Variants in LPO observed in about 807,000 individuals in gnomAD.
LPO encodes salivary peroxidase.
In LPO, 70 loss-of-function variants were observed where a neutral mutation model predicts 68.4. The observed-to-expected ratio is 1.02, with a 90% confidence interval of 0.84 to 1.25. The LOEUF is 1.25. LPO is among the 50% of genes most tolerant of loss of function. The pLI, the probability that LPO is intolerant of heterozygous loss-of-function variation, is 0.00. For synonymous variants in LPO, 360 were observed against 357.6 expected (o/e 1.01, Z -0.08); for missense variants, 873 against 908.4 (o/e 0.96, Z 0.50).
intron 2 of LPO, chr17:58,243,730 A>G (rs1235730210): frequency 3.8e-6 from 2 of 528,950 alleles, no homozygotes; most frequent in Non-Finnish European, 6.8e-6. Context: ...GAGTGGCCAC[A>G]CTCCCTCTTC....
chr17:58,241,655 G>T (rs180869233), intron 1 of LPO, among the ~76,000 whole-genome samples: 1 of 152,070 alleles, frequency 6.6e-6, no homozygotes, highest in Admixed American at 6.6e-5. Context: ...ATCTTGGGGT[G>T]GGGGGAAGTA....
chr17:58,263,520 C>T (rs1970208727), intron 9 of LPO, among the ~76,000 whole-genome samples: 1 of 152,150 alleles, frequency 6.6e-6, no homozygotes, highest in Non-Finnish European at 1.5e-5. Flanking sequence ...GGGTGGATCA[C>T]CTGAGGTCGG....
At chr17:58,260,593 T>C (rs953085772) in intron 9 of LPO, among the ~76,000 whole-genome samples, 1 of 152,218 alleles carries the variant, frequency 6.6e-6, no homozygotes, top group African/African-American at 2.4e-5. Flanking sequence ...GTTTTTATCA[T>C]GAACAGGTGT....
chr17:58,255,193 T>A (rs1204734467), intron 9 of LPO, among the ~76,000 whole-genome samples: 1 of 152,238 alleles, frequency 6.6e-6, no homozygotes, highest in Non-Finnish European at 1.5e-5. Context: ...TTTGGAGTGT[T>A]GGAAAGTCAC....
chr17:58,249,403 G>A, intron 5 of LPO, 163 bp from the exon 6 acceptor site: 1 of 1,154,330 alleles, frequency 8.7e-7, no homozygotes, highest in Admixed American at 2.9e-5. Context: ...GGGGAGCCCC[G>A]CGCCTTCAGG....
At chr17:58,262,265 C>T (rs1251328847) in intron 9 of LPO, among the ~76,000 whole-genome samples, 3 of 152,194 alleles carry the variant, frequency 2.0e-5, no homozygotes, top group Non-Finnish European at 4.4e-5. Context: ...CCTGAAGAAT[C>T]GTTCCACCAG....
Position 58,264,967 on chromosome 17 carries a change from CA to C in LPO, c.1515del (p.Asp506MetfsTer18), listed in dbSNP as rs1970235987. 6.2e-7 allele frequency: 1 copy of C among 1,614,008 alleles called. No homozygotes were observed. Among genetic ancestry groups the C allele is most frequent in the Non-Finnish European group, 8.5e-7 (1 of 1,180,002 alleles). ...TLFFNTWRMV[K>X]DGGIDPLVRG... ...TCTTCTTCAACACTTGGAGGATGGT[CA>C]AAGATGGTATGCCCTTTCAGGGAAG... is the stretch of plus-strand genomic sequence containing the variant. On this transcript the variant is annotated frameshift_variant, in exon 10 of 13. Transcript: ENST00000262290. LOFTEE classifies it high-confidence loss of function.
Position 58,249,660 on chromosome 17 carries a change from C to T in LPO, c.538C>T (p.Pro180Ser). ...DGLSLPFGWT[P>S]GKTRNGFPLP... is the part of the protein sequence containing the mutation. The stretch of plus-strand genomic sequence containing the variant: ...GCTCTCCCTGCCCTTCGGCTGGACG[C>T]CGGGGAAGACGCGCAACGGCTTCCC... Residue 180 changes from proline (P) to serine (S), a missense_variant, in exon 6 of 13, where the codon CCG becomes TCG. Transcript: ENST00000262290. The T allele has an allele frequency of 6.3e-7, 1 of 1,587,300 alleles. No individual in the cohort carries two copies.
At chr17:58,265,082 G>A in intron 10 of LPO, 108 bp downstream of exon 10, 2 of 1,416,452 alleles carry the variant, frequency 1.4e-6, no homozygotes, top group Non-Finnish European at 9.6e-7. Flanking sequence ...ATGACCTTGG[G>A]CAAATGAATT....
At chr17:58,242,084 C>G (rs1157392237) in intron 1 of LPO, among the ~76,000 whole-genome samples, 1 of 152,160 alleles carries the variant, frequency 6.6e-6, no homozygotes, top group Non-Finnish European at 1.5e-5. Flanking sequence ...CTCTCAGGAC[C>G]ATGGTCTAAA....
chr17:58,262,023 C>T (rs747607000), intron 9 of LPO, among the ~76,000 whole-genome samples: 1 of 152,194 alleles, frequency 6.6e-6, no homozygotes. Flanking sequence ...TCAGATGGTG[C>T]TTCAACCATA....
chr17:58,253,577 C>T (rs903127951), intron 8 of LPO, among the ~76,000 whole-genome samples: 2 of 152,160 alleles, frequency 1.3e-5, no homozygotes, highest in Non-Finnish European at 2.9e-5. Flanking sequence ...ATTCCAGGTG[C>T]CCTCCTGGTC....
rs1451352489 is a variant in LPO, at chr17:58,250,770, T to A, written c.780+149T>A. 6.6e-6 allele frequency: 5 copies of A among 752,124 alleles called. No individual in the cohort carries two copies. The Admixed American group carries it at 1.1e-4, about 17-fold the overall frequency. The allele number at this position is 752,124 out of a possible 1,614,324, so 46.6% of individuals were successfully genotyped here. On this transcript the variant is annotated intron_variant, in intron 7 of 12. Transcript: ENST00000262290. ...CCTCACGTGTCCATTCGTTCACTCA[T>A]CCGTTTATTCAGTAAATAGACATTG...
intron 8 of LPO, among the ~76,000 whole-genome samples, chr17:58,253,022 C>CAAAAAAAAAAAAAA (rs765890765): frequency 1.6e-4 from 5 of 31,108 alleles, no homozygotes; most frequent in Non-Finnish European, 1.7e-4. Context: ...GACTCCATCT[C>CAAAAAAAAAAAAAA]AAAAAAAAAA....
rs575964668 is a variant in LPO at position 58,245,501 on chromosome 17, C to T, written c.164+1420C>T. Among the ~76,000 whole-genome samples, 90 of 152,262 alleles carry T rather than the reference C, an allele frequency of 5.9e-4. 1 individual carries two copies. The highest frequency in any genetic ancestry group is 6.8e-3 in the Middle Eastern group (2 of 294). On this transcript the variant is annotated intron_variant, in intron 3 of 12. Transcript: ENST00000262290. ...CTGCCTGGGAGCATCGGGCCCACTCCTTCACCCCTCCCCACCCTGTCTTGG... is the reference window on the plus strand; with the variant it reads ...CTGCCTGGGAGCATCGGGCCCACTCTTTCACCCCTCCCCACCCTGTCTTGG...
chr17:58,244,649 C>T (rs8178298), intron 3 of LPO, among the ~76,000 whole-genome samples: 10,328 of 152,300 alleles, frequency 0.068, 358 homozygotes, highest in Middle Eastern at 0.14. Context: ...CATCTTGGAG[C>T]GAGGGAGCAG....
chr17:58,255,252 C>T (rs1970049178), intron 9 of LPO, among the ~76,000 whole-genome samples: 1 of 152,222 alleles, frequency 6.6e-6, no homozygotes, highest in Admixed American at 6.5e-5. Flanking sequence ...ATTACTGGGA[C>T]TGTAGGCTCC....
chr17:58,251,503 A>G (rs1292495642), intron 7 of LPO: 2 of 212,018 alleles, frequency 9.4e-6, no homozygotes, highest in African/African-American at 2.3e-5. Context: ...AGGGATTTCC[A>G]TCCGGAAGGG....
At chr17:58,250,379 C>T (rs747053923) in intron 6 of LPO, 36 bp from the exon 7 acceptor site, 1 of 1,565,410 alleles carries the variant, frequency 6.4e-7, no homozygotes, top group Non-Finnish European at 8.8e-7. Context: ...GCACTTTTTC[C>T]TCTAATCTGC....
Sources: allele counts gnomAD v4.1 joint callset (sites outside exome capture counted in the v4.1 genomes callset), GRCh38; gene constraint gnomAD v4.1.1; transcripts MANE v1.5; gene names NCBI Gene and HGNC (gene_info 2026-07-23, HGNC 2026-07-21).